Variants in NPEPL1 observed in about 807,000 individuals in gnomAD.
NPEPL1 encodes the protein probable aminopeptidase NPEPL1.
In NPEPL1, 45 loss-of-function variants were observed where a neutral mutation model predicts 52.4. The observed-to-expected ratio is 0.86, with a 90% CI of 0.68 to 1.10. The LOEUF (loss-of-function observed/expected upper bound fraction) is 1.10. Ranked by LOEUF, NPEPL1 falls within the 50% of genes least tolerant of loss-of-function variation. NPEPL1 has a pLI of 0.00. For synonymous variants in NPEPL1, 360 were observed against 314.7 expected (o/e 1.14, Z -1.52); for missense variants, 696 against 710.9 (o/e 0.98, Z 0.24).
chr20:58,706,438 G>A (rs2084733299), intron 6 of NPEPL1, among the ~76,000 whole-genome samples: 1 of 152,190 alleles, frequency 6.6e-6, no homozygotes, highest in Non-Finnish European at 1.5e-5. Flanking sequence ...TCGTTAGGTG[G>A]TAAAGCCCTC....
At position 58,699,388 on chromosome 20, in the gene NPEPL1, G is replaced by C. The variant is rs191772384; in HGVS notation, c.679+110G>C. The C allele has an allele frequency of 3.6e-3, 2,928 of 807,498 alleles. 6 individuals are homozygous for C. Among genetic ancestry groups the C allele is most frequent in the Non-Finnish European group, 5.0e-3 (2,579 of 516,452 alleles). The allele number at this position is 807,498 out of a possible 1,614,324, so 50.0% of individuals were successfully genotyped here. On this transcript the variant is annotated intron_variant, in intron 5 of 11. Coordinates refer to ENST00000356091, the MANE Select transcript of NPEPL1 (RefSeq NM_024663.4). ...GGCACATTGTCCCAAACTTCATCCT[G>C]CTTGTGACCTGAAAGGAATCAGCCT...
chr20:58,696,965 C>T (rs573543192), intron 3 of NPEPL1, among the ~76,000 whole-genome samples: 5 of 152,344 alleles, frequency 3.3e-5, no homozygotes, highest in African/African-American at 1.2e-4. Flanking sequence ...CTGACACCCA[C>T]GTGGCCTGTA....
At chr20:58,694,629 C>G (rs200670545) in intron 3 of NPEPL1, 37 bp downstream of exon 3, 44 of 1,556,322 alleles carry the variant, frequency 2.8e-5, no homozygotes, top group Non-Finnish European at 3.5e-5. Context: ...CCCCTGGGCC[C>G]GGGCAAGATC....
rs773881194 is a variant in NPEPL1, at chr20:58,714,610, C to T, written c.1353C>T (p.His451=). 23 of 1,597,666 alleles carry T rather than the reference C, an allele frequency of 1.4e-5. No homozygotes were observed. Among genetic ancestry groups the T allele is most frequent in the Non-Finnish European group, 2.0e-5 (23 of 1,173,786 alleles). Residue 451 remains histidine, a synonymous_variant, in exon 11 of 12, where the codon CAC becomes CAT. Transcript: ENST00000356091. ...GTGCTGGCCTCTTCATCGCCTCACA[C>T]ATCGGCTTCGACTGGCCCGGAGTCT... ...SSCAGLFIAS[H]IGFDWPGVWV...
chr20:58,689,549 C>T (rs554475128), upstream of NPEPL1, among the ~76,000 whole-genome samples: 43 of 152,312 alleles, frequency 2.8e-4, no homozygotes, highest in African/African-American at 9.6e-4. Flanking sequence ...GCCTGAGCCA[C>T]GGGGCCTGGT....
chr20:58,713,809 CT>C lies in NPEPL1; in HGVS notation c.1126-104del. On this transcript the variant is annotated intron_variant, in intron 9 of 11. Transcript: ENST00000356091. This position sits in a 1 kb window ranked among gnomAD's most constrained non-coding sequence, Gnocchi z 4.6. ...TTTTTTCTTTTTTTCTCAACCGTCT[CT>C]TTTCTGGCTCCCTTATTTCTCTGTC... 7.9e-7 allele frequency: 1 copy of C among 1,270,198 alleles called. No individual in the cohort carries two copies. Among genetic ancestry groups the C allele is most frequent in the South Asian group, 1.8e-5 (1 of 55,692 alleles). 78.7% of individuals were successfully genotyped at this position (1,270,198 alleles called of 1,614,324 possible). A position where few individuals can be genotyped will look rare whatever the true frequency, so the allele number is the denominator to read the frequency against.
Position 58,713,696 on chromosome 20 carries a change from T to C in NPEPL1, c.1125+153T>C. 8.3e-7 allele frequency: 1 copy of C among 1,203,336 alleles called. No homozygotes were observed. The highest frequency in any genetic ancestry group is 1.1e-6 in the Non-Finnish European group (1 of 892,032). The allele number at this position is 1,203,336 out of a possible 1,614,324, so 74.5% of individuals were successfully genotyped here. ...GGCAGGAGGAGCTGCCCGTCAAGCT[T>C]GGTGTGGGCAGTACCGAGGCCCAGG... On this transcript the variant is annotated intron_variant, in intron 9 of 11. Transcript: ENST00000356091. The surrounding 1 kb of genome is among the most constrained non-coding windows in gnomAD (Gnocchi z 4.6).
At chr20:58,710,498 C>CAA (rs11481655) in intron 7 of NPEPL1, among the ~76,000 whole-genome samples, 3 of 147,158 alleles carry the variant, frequency 2.0e-5, no homozygotes, top group African/African-American at 7.4e-5. Flanking sequence ...AGCCTGGCAC[C>CAA]AAAAAAAAAA....
Position 58,693,942 on chromosome 20 carries a change from G to A in NPEPL1, c.336+20G>A, listed in dbSNP as rs374914352. 27 of 1,540,572 alleles carry A rather than the reference G, an allele frequency of 1.8e-5. No individual in the cohort carries two copies. The highest frequency in any genetic ancestry group is 1.4e-4 in the Admixed American group (7 of 51,526). Reference sequence around the variant, plus strand: ...ATTGTGGTGAGTGCTTCGAGAGGAGGCAGCCACGGTGCTCCTAGTCGGGCA... The same window carrying A: ...ATTGTGGTGAGTGCTTCGAGAGGAGACAGCCACGGTGCTCCTAGTCGGGCA... On this transcript the variant is annotated intron_variant, in intron 2 of 11. Transcript: ENST00000356091.
chr20:58,700,736 T>G (rs2084597149), intron 5 of NPEPL1, among the ~76,000 whole-genome samples: 1 of 152,220 alleles, frequency 6.6e-6, no homozygotes, highest in African/African-American at 2.4e-5. Flanking sequence ...TCCTGTTCTT[T>G]TCTTTCTGGA....
upstream of NPEPL1, chr20:58,689,268 TC>T (rs2084308810): frequency 6.6e-6 from 1 of 152,172 alleles, no homozygotes; most frequent in Non-Finnish European, 1.5e-5. Context: ...TCTTTTTCTT[TC>T]TTTTTTTTTT....
At chr20:58,694,046 C>A in intron 2 of NPEPL1, 124 bp downstream of exon 2, 1 of 970,482 alleles carries the variant, frequency 1.0e-6, no homozygotes, top group Non-Finnish European at 1.5e-6. Context: ...ACGTTATCAT[C>A]CCTGCTCTGT....
intron 6 of NPEPL1, chr20:58,704,283 G>T: frequency 2.1e-6 from 2 of 967,086 alleles, no homozygotes; most frequent in Non-Finnish European, 2.4e-6. Context: ...TCCCAGTTTT[G>T]CAAGAAAAAA....
At chr20:58,701,586 G>T (rs1296873918) in intron 6 of NPEPL1, among the ~76,000 whole-genome samples, 1 of 152,134 alleles carries the variant, frequency 6.6e-6, no homozygotes, top group Non-Finnish European at 1.5e-5. Context: ...CCTGGCCAGG[G>T]CCCAAGAGCA....
Position 58,713,805 on chromosome 20 carries a change from G to T in NPEPL1, c.1126-112G>T. ...TGTGTTTTTTCTTTTTTTCTCAACC[G>T]TCTCTTTTCTGGCTCCCTTATTTCT... is the stretch of plus-strand genomic sequence containing the variant. On this transcript the variant is annotated intron_variant, in intron 9 of 11. Transcript: ENST00000356091. The surrounding 1 kb of genome is among the most constrained non-coding windows in gnomAD (Gnocchi z 4.6). 1 of 1,240,008 alleles carries T rather than the reference G, an allele frequency of 8.1e-7. No individual in the cohort carries two copies. Among genetic ancestry groups the T allele is most frequent in the Non-Finnish European group, 1.1e-6 (1 of 940,110 alleles). The allele number at this position is 1,240,008 out of a possible 1,614,324, so 76.8% of individuals were successfully genotyped here.
In NPEPL1 at chr20:58,713,098, GCA is replaced by G. The variant is rs2084886957; in HGVS notation, c.1002-319_1002-318del. The G allele has an allele frequency of 1.1e-5, 4 of 379,068 alleles. No individual in the cohort carries two copies. Among genetic ancestry groups the G allele is most frequent in the South Asian group, 2.8e-5 (1 of 35,618 alleles). 23.5% of individuals were successfully genotyped at this position (379,068 alleles called of 1,614,324 possible). On this transcript the variant is annotated intron_variant, in intron 8 of 11. Transcript: ENST00000356091. This position sits in a 1 kb window ranked among gnomAD's most constrained non-coding sequence, Gnocchi z 4.6. The stretch of plus-strand genomic sequence containing the variant: ...TTCCTCCCCATCTGCCGGGTGCCAG[GCA>G]CAGTGTGCTGAAGGCCAGCCCAGCC...
chr20:58,697,771 G>T (rs780136375), intron 3 of NPEPL1, among the ~76,000 whole-genome samples: 3 of 152,262 alleles, frequency 2.0e-5, no homozygotes, highest in Non-Finnish European at 4.4e-5. Flanking sequence ...CTGAGAGAGA[G>T]TGAAGCTCCC....
At chr20:58,694,855 C>G (rs1289007399) in intron 3 of NPEPL1, among the ~76,000 whole-genome samples, 1 of 152,210 alleles carries the variant, frequency 6.6e-6, no homozygotes. Flanking sequence ...AACGTCCATG[C>G]TGTTTTCCAA....
intron 3 of NPEPL1, 22 bp from the exon 4 acceptor site, chr20:58,698,662 G>T (rs750284131): frequency 1.2e-6 from 2 of 1,607,526 alleles, no homozygotes; most frequent in Non-Finnish European, 1.7e-6. Context: ...CTGGTCCCCA[G>T]TGATGGCCTT....
Sources: allele counts gnomAD v4.1 joint callset (sites outside exome capture counted in the v4.1 genomes callset), GRCh38; gene constraint gnomAD v4.1.1; non-coding constraint Gnocchi (gnomAD v3.1); transcripts MANE v1.5; gene names NCBI Gene and HGNC (gene_info 2026-07-23, HGNC 2026-07-21).